Variants in USP34 observed in about 807,000 individuals in gnomAD.
The protein encoded by USP34 is ubiquitin specific peptidase 34.
A neutral mutation model predicts 460.3 loss-of-function variants in USP34; 70 were observed. The ratio of observed to expected loss-of-function variants is 0.15; its 90% CI spans 0.13 to 0.19. The LOEUF is 0.19. Ranked by LOEUF, USP34 falls within the 10% of genes least tolerant of loss-of-function variation. The pLI is 1.00. For synonymous variants in USP34, 1,647 were observed against 1,405.3 expected (o/e 1.17, Z -3.85); for missense variants, 3,985 against 4,236.2 (o/e 0.94, Z 1.65).
chr2:61,189,253 T>C (rs1686545665), intron 78 of USP34, 184 bp from the exon 79 acceptor site: 1 of 550,002 alleles, frequency 1.8e-6, no homozygotes, highest in Non-Finnish European at 2.8e-6. Flanking sequence ...CAGCATTTCA[T>C]TAGTTGTTTT....
chr2:61,368,057 G>A (rs1692491566), intron 10 of USP34, among the ~76,000 whole-genome samples: 1 of 152,152 alleles, frequency 6.6e-6, no homozygotes, highest in South Asian at 2.1e-4. Context: ...AATATTTTAG[G>A]ATTATGGGTG....
chr2:61,219,052 G>A (rs187838763), intron 67 of USP34, among the ~76,000 whole-genome samples: 102 of 152,146 alleles, frequency 6.7e-4, no homozygotes, highest in Admixed American at 1.2e-3. Flanking sequence ...CTTTTGTATG[G>A]GAGATTTGTT....
intron 2 of USP34, among the ~76,000 whole-genome samples, chr2:61,418,072 TTC>T (rs1292090007): frequency 2.7e-5 from 4 of 150,256 alleles, no homozygotes; most frequent in African/African-American, 9.8e-5. Context: ...AAATATTAAA[TTC>T]TTGTTAACAT....
Position 61,380,240 on chromosome 2 carries a change from G to T in USP34, c.943C>A (p.Leu315Ile). 6.2e-7 allele frequency: 1 copy of T among 1,614,112 alleles called. No individual in the cohort carries two copies. The highest frequency in any genetic ancestry group is 8.5e-7 in the Non-Finnish European group (1 of 1,179,996). Residue 315 changes from leucine (L) to isoleucine (I), a missense_variant, in exon 7 of 80, where the codon CTA becomes ATA. Transcript: ENST00000398571. ...ATAAAGTACTTAAATGCAAGATCTAGGCTTTCTTTATCAAAGCATAATGTT... is the reference window on the plus strand; with the variant it reads ...ATAAAGTACTTAAATGCAAGATCTATGCTTTCTTTATCAAAGCATAATGTT... The part of the protein sequence containing the change: ...DTTLCFDKES[L>I]DLAFKYFMSP...
At chr2:61,281,035 G>A in intron 38 of USP34, 55 bp downstream of exon 38, 3 of 1,562,522 alleles carry the variant, frequency 1.9e-6, no homozygotes, top group Non-Finnish European at 1.7e-6. Context: ...ACGGTAAACT[G>A]AGGCAAAGGA....
chr2:61,228,773 G>A, intron 60 of USP34, 54 bp from the exon 61 acceptor site: 1 of 1,592,132 alleles, frequency 6.3e-7, no homozygotes, highest in Non-Finnish European at 8.5e-7. Context: ...CAATTAAGTT[G>A]CAAATACTGA....
At chr2:61,355,663 A>C (rs1293959882) in intron 10 of USP34, among the ~76,000 whole-genome samples, 1 of 152,178 alleles carries the variant, frequency 6.6e-6, no homozygotes, top group Admixed American at 6.5e-5. Context: ...AAAACAACTA[A>C]ACATACAAAA....
chr2:61,385,668 T>C (rs1268182645), intron 5 of USP34, among the ~76,000 whole-genome samples: 1 of 55,750 alleles, frequency 1.8e-5, no homozygotes, highest in African/African-American at 7.7e-5. Flanking sequence ...CAAGACTCTG[T>C]CTCAAAAAAA....
chr2:61,288,608 A>G, intron 34 of USP34, 69 bp downstream of exon 34: 30 of 1,494,840 alleles, frequency 2.0e-5, no homozygotes, highest in Non-Finnish European at 2.8e-5. Context: ...TTTCTTAAGC[A>G]TTAGCATATT....
chr2:61,210,316 T>C (rs1255566798), intron 69 of USP34, among the ~76,000 whole-genome samples: 1 of 152,208 alleles, frequency 6.6e-6, no homozygotes, highest in East Asian at 1.9e-4. Flanking sequence ...ATTCCATATT[T>C]TTACTGTACC....
chr2:61,390,197 T>A (rs1572994809), intron 5 of USP34, among the ~76,000 whole-genome samples: 1 of 152,360 alleles, frequency 6.6e-6, no homozygotes, highest in East Asian at 1.9e-4. Context: ...CACTTCTTTC[T>A]ACTCCATAAT....
intron 1 of USP34, among the ~76,000 whole-genome samples, chr2:61,450,978 G>T (rs980343649): frequency 6.6e-6 from 1 of 151,376 alleles, no homozygotes. Context: ...CCAGCACTTT[G>T]GGAGGCCAAG....
rs766940001 is a variant in USP34, at chr2:61,288,746, G to A, written c.4680C>T (p.Thr1560=). The A allele has an allele frequency of 3.1e-6, 5 of 1,614,046 alleles. No individual in the cohort carries two copies. The highest frequency in any genetic ancestry group is 1.7e-5 in the Admixed American group (1 of 60,018). The stretch of plus-strand genomic sequence containing the variant: ...CAGCCTTCCTTGATTTGCCAGGCCA[G>A]GTTCTTTTCCTATGGCTTTCCGCTA... The part of the protein sequence containing the change: ...SGIAESHRKR[T]WPGKSRKAAG... Residue 1560 remains threonine, a synonymous_variant, in exon 34 of 80, where the codon ACC becomes ACT. Transcript: ENST00000398571.
chr2:61,463,590 T>G (rs1310419305), intron 1 of USP34, among the ~76,000 whole-genome samples: 1 of 152,088 alleles, frequency 6.6e-6, no homozygotes, highest in Non-Finnish European at 1.5e-5. Context: ...ACCCAACACT[T>G]TGGGAGGCCA....
chr2:61,280,897 T>C (rs1221178261), intron 38 of USP34, among the ~76,000 whole-genome samples, 193 bp downstream of exon 38: 1 of 152,190 alleles, frequency 6.6e-6, no homozygotes, highest in Admixed American at 6.5e-5. Flanking sequence ...GAAATCAGTC[T>C]CTTCCTAGTA....
intron 57 of USP34, among the ~76,000 whole-genome samples, chr2:61,233,843 TA>T (rs11302574): frequency 0.52 from 73,071 of 140,070 alleles, 18,383 homozygotes; most frequent in South Asian, 0.69. Context: ...ACTCTGGGGG[TA>T]AAAAAAAAAA....
Position 61,190,345 on chromosome 2 carries a change from T to C in USP34, c.9799A>G (p.Ser3267Gly). 1 of 1,613,860 alleles carries C rather than the reference T, an allele frequency of 6.2e-7. No homozygotes were observed. The highest frequency in any genetic ancestry group is 1.1e-5 in the South Asian group (1 of 90,946). Reference protein sequence around the residue: ...LISTLITNLISQYQNLQSDFS... With the variant: ...LISTLITNLIGQYQNLQSDFS... ...TCAGACTGTAGGTTCTGATACTGGC[T>C]TATCAAGTTTGTAATAAGAGTGCTG... Residue 3267 changes from serine (S) to glycine (G), a missense_variant, in exon 78 of 80, where the codon AGC becomes GGC. Around this residue, in one of 14 missense-constraint regions of USP34, gnomAD observed 506 missense variants for 439.0 expected, o/e 1.15. Coordinates refer to ENST00000398571, the MANE Select transcript of USP34 (RefSeq NM_014709.4).
chr2:61,448,237 G>A (rs1198524539), intron 1 of USP34, among the ~76,000 whole-genome samples: 1 of 152,222 alleles, frequency 6.6e-6, no homozygotes, highest in Admixed American at 6.5e-5. Flanking sequence ...ACTTTGGGCG[G>A]CCAAGGCAGG....
At chr2:61,359,046 A>G (rs1046576422) in intron 10 of USP34, among the ~76,000 whole-genome samples, 9 of 152,162 alleles carry the variant, frequency 5.9e-5, no homozygotes, top group Non-Finnish European at 1.2e-4. Context: ...AAAGTGATCC[A>G]CAGAGTCAAT....
Sources: gnomAD v4.1 joint callset for allele counts (sites outside exome capture counted in the v4.1 genomes callset) on GRCh38, gnomAD v4.1.1 for gene constraint, gnomAD v4.1.1 regional missense constraint, MANE v1.5 for transcripts, NCBI Gene and HGNC (gene_info 2026-07-23, HGNC 2026-07-21) for gene names.